The following PAK3 variants were observed in gnomAD, a reference collection of about 807,000 sequenced individuals.
The protein encoded by PAK3 is p21 (RAC1) activated kinase 3, also known as serine/threonine-protein kinase PAK 3.
PAK3 carries 4 observed loss-of-function variants against 41.0 expected under a neutral mutation model. The observed-to-expected ratio is 0.10, with a 90% CI of 0.05 to 0.22. The LOEUF is 0.22. Ranked by LOEUF, PAK3 falls within the 10% of genes least tolerant of loss-of-function variation. PAK3 has a pLI of 1.00. For synonymous variants in PAK3, 146 were observed against 139.6 expected (o/e 1.05, Z -0.32); for missense variants, 205 against 409.9 (o/e 0.50, Z 4.32).
chrX:111,191,314 G>T (rs897714539), intron 11 of PAK3, among the ~76,000 whole-genome samples: 2 of 110,840 alleles, frequency 1.8e-5, no homozygotes, highest in Admixed American at 9.6e-5. Flanking sequence ...GCCCAGGCTG[G>T]TCTCAAACTT....
chrX:111,000,802 G>C (rs924588034), intron 1 of PAK3, among the ~76,000 whole-genome samples: 2 of 112,014 alleles, frequency 1.8e-5, no homozygotes, highest in Non-Finnish European at 3.8e-5. Context: ...CCCTCCTGGG[G>C]CTTAAGTGCT....
intron 1 of PAK3, among the ~76,000 whole-genome samples, chrX:111,023,891 A>G (rs2092230517): frequency 8.9e-6 from 1 of 111,840 alleles, no homozygotes; most frequent in African/African-American, 3.3e-5. Flanking sequence ...GAAACTCTTT[A>G]GTTTAATTAG....
intron 1 of PAK3, among the ~76,000 whole-genome samples, chrX:111,071,321 C>T (rs1230707894): frequency 1.8e-5 from 2 of 111,996 alleles, no homozygotes; most frequent in African/African-American, 6.5e-5. Context: ...CACTATGAAA[C>T]AGTGACCACA....
At position 111,192,622 on chromosome X, in the gene PAK3, A is replaced by AGTGT; in HGVS notation, c.992+5_992+8dup. ...ATATTGTTAATTATTTAGATAGGTA[A>AGTGT]GTGTTTTGTCTTATTATGTACTTAT... On this transcript the variant is annotated splice_donor_region_variant and intron_variant, in intron 13 of 17. Coordinates refer to ENST00000372007, the MANE Select transcript of PAK3 (RefSeq NM_002578.5). The AGTGT allele has an allele frequency of 1.2e-6, 1 of 826,151 alleles. No homozygotes were observed. Among genetic ancestry groups the AGTGT allele is most frequent in the Non-Finnish European group, 1.8e-6 (1 of 545,032 alleles). The allele number at this position is 826,151 out of a possible 1,213,427, so 68.1% of individuals were successfully genotyped here.
rs769413534 is a variant in PAK3 at position 111,224,782 on chromosome X, C to T, written c.*4335C>T. The T allele has an allele frequency of 8.9e-6, 1 of 112,372 alleles. No individual in the cohort carries two copies. The highest frequency in any genetic ancestry group is 3.7e-4 in the South Asian group (1 of 2,673). 9.3% of individuals were successfully genotyped at this position (112,372 alleles called of 1,213,427 possible). On this transcript the variant is annotated 3_prime_UTR_variant, in exon 18 of 18. Transcript: ENST00000372007. Reference sequence around the variant, plus strand: ...GTGAGAACTTTAATAATGAGGTAGTCACCTCAGATATGCTGCTTAGTTTCA... The same window carrying T: ...GTGAGAACTTTAATAATGAGGTAGTTACCTCAGATATGCTGCTTAGTTTCA...
intron 1 of PAK3, among the ~76,000 whole-genome samples, chrX:111,008,320 C>A (rs146468133): frequency 1.1e-3 from 119 of 112,602 alleles, no homozygotes; most frequent in African/African-American, 3.5e-3. Context: ...ATGTCAGGCA[C>A]ATATAAATGT....
At chrX:111,170,274 T>A (rs1225013620) in intron 10 of PAK3, among the ~76,000 whole-genome samples, 1 of 110,959 alleles carries the variant, frequency 9.0e-6, no homozygotes, top group African/African-American at 3.3e-5. Context: ...TACTACTGAC[T>A]GATAGTGGAA....
At chrX:111,179,549 T>G (rs2094443766) in intron 11 of PAK3, among the ~76,000 whole-genome samples, 1 of 111,535 alleles carries the variant, frequency 9.0e-6, no homozygotes, top group East Asian at 2.8e-4. Context: ...TGCCATTACA[T>G]CTACAAACAA....
At chrX:111,071,726 T>C (rs1490194424) in intron 1 of PAK3, among the ~76,000 whole-genome samples, 1 of 112,266 alleles carries the variant, frequency 8.9e-6, no homozygotes, top group Non-Finnish European at 1.9e-5. Context: ...AGGTGGTTTA[T>C]CTTGAACAAA....
chrX:110,984,337 T>C (rs770268653), intron 1 of PAK3, among the ~76,000 whole-genome samples: 2 of 111,461 alleles, frequency 1.8e-5, no homozygotes. Flanking sequence ...CACACACACA[T>C]ACACACACAT....
At chrX:111,216,855 C>T (rs1305887999) in intron 17 of PAK3, 1 of 630,443 alleles carries the variant, frequency 1.6e-6, no homozygotes, top group Non-Finnish European at 1.9e-6. Context: ...TTGTTCTAAA[C>T]TTTACTTGTG....
In PAK3 at chrX:111,193,348, C is replaced by CT. The variant is rs758912089; in HGVS notation, c.992+752dup. Among the ~76,000 whole-genome samples the CT allele has an allele frequency of 9.5e-3, 821 of 86,193 alleles. 6 individuals are homozygous for CT. Among genetic ancestry groups the CT allele is most frequent in the East Asian group, 0.028 (82 of 2,894 alleles). 74.8% of individuals were successfully genotyped at this position (86,193 alleles called of 115,157 possible). On this transcript the variant is annotated intron_variant, in intron 13 of 17. Coordinates refer to ENST00000372007, the MANE Select transcript of PAK3 (RefSeq NM_002578.5). ...AAAAAGAGGGTTAAATTTTACAGTC[C>CT]TTTTTTTTTTTTTTTTTTTTTTACA...
At chrX:111,045,010 A>G (rs2092483755) in intron 1 of PAK3, among the ~76,000 whole-genome samples, 1 of 112,015 alleles carries the variant, frequency 8.9e-6, no homozygotes, top group South Asian at 3.8e-4. Context: ...AGCCTCTGCA[A>G]GAGAAGCCCA....
intron 11 of PAK3, among the ~76,000 whole-genome samples, chrX:111,179,080 A>G (rs1205671499): frequency 1.9e-5 from 2 of 106,944 alleles, no homozygotes; most frequent in East Asian, 2.9e-4. Context: ...TCATTTTCAT[A>G]TTTAAAACCA....
At chrX:110,945,115 T>A (rs1403024191) in intron 1 of PAK3, among the ~76,000 whole-genome samples, 5 of 111,482 alleles carry the variant, frequency 4.5e-5, no homozygotes, top group African/African-American at 1.3e-4. Flanking sequence ...AGTGAGAGAA[T>A]GTGAGAGGAC....
At chrX:111,033,576 T>C (rs2092362787) in intron 1 of PAK3, among the ~76,000 whole-genome samples, 1 of 111,948 alleles carries the variant, frequency 8.9e-6, no homozygotes, top group Admixed American at 9.5e-5. Context: ...TTTCTCAACA[T>C]TTGGGAATGC....
chrX:111,138,823 G>A (rs1272603357), intron 5 of PAK3, among the ~76,000 whole-genome samples: 1 of 110,949 alleles, frequency 9.0e-6, no homozygotes, highest in Non-Finnish European at 1.9e-5. Context: ...GGTAATAGGG[G>A]ACAGCATTTA....
intron 3 of PAK3, among the ~76,000 whole-genome samples, chrX:111,099,749 T>C (rs1370274107): frequency 1.0e-5 from 1 of 99,092 alleles, no homozygotes; most frequent in Non-Finnish European, 2.1e-5. Flanking sequence ...ACAGTGACAG[T>C]CTGGGACCCC....
chrX:111,114,514 A>T (rs1324701725), intron 4 of PAK3, among the ~76,000 whole-genome samples: 2 of 112,134 alleles, frequency 1.8e-5, no homozygotes, highest in Admixed American at 1.9e-4. Context: ...ATAAAGCATT[A>T]GTTGGTATAT....
Sources: gnomAD v4.1 joint callset for allele counts (sites outside exome capture counted in the v4.1 genomes callset) on GRCh38, gnomAD v4.1.1 for gene constraint, MANE v1.5 for transcripts, NCBI Gene and HGNC (gene_info 2026-07-23, HGNC 2026-07-21) for gene names.